The following SETBP1 variants were observed in gnomAD, a reference collection of about 807,000 sequenced individuals.
SETBP1 encodes SET binding protein 1, also known as SET-binding protein.
SETBP1 carries 9 observed loss-of-function variants against 101.0 expected under a neutral mutation model. The ratio of observed to expected loss-of-function variants is 0.09; its 90% CI spans 0.05 to 0.16. SETBP1 has a LOEUF of 0.16. SETBP1 is among the 10% of genes least tolerant of loss of function. SETBP1 has a pLI of 1.00. For synonymous variants in SETBP1, 818 were observed against 788.5 expected (o/e 1.04, Z -0.63); for missense variants, 1,858 against 2,033.8 (o/e 0.91, Z 1.66).
intron 3 of SETBP1, among the ~76,000 whole-genome samples, chr18:44,906,632 C>G (rs1012109681): frequency 6.6e-6 from 1 of 152,050 alleles, no homozygotes; most frequent in Non-Finnish European, 1.5e-5. Flanking sequence ...TTGTTTGTAG[C>G]CCTCCCTTGT....
intron 2 of SETBP1, among the ~76,000 whole-genome samples, chr18:44,744,177 G>A (rs2070166262): frequency 6.6e-6 from 1 of 152,240 alleles, no homozygotes; most frequent in African/African-American, 2.4e-5. Flanking sequence ...GTGCAGCGTT[G>A]AGTCTCAGGC....
chr18:45,030,364 C>T (rs1233602820), intron 4 of SETBP1, among the ~76,000 whole-genome samples: 1 of 129,760 alleles, frequency 7.7e-6, no homozygotes, highest in Admixed American at 8.0e-5. Flanking sequence ...ATGAAGCCCA[C>T]TTGATCATGG....
At chr18:44,881,488 A>G (rs963103036) in intron 3 of SETBP1, among the ~76,000 whole-genome samples, 4 of 152,212 alleles carry the variant, frequency 2.6e-5, no homozygotes, top group Admixed American at 2.6e-4. Context: ...ATGGCTGAGT[A>G]TTATTTCAAA....
intron 2 of SETBP1, among the ~76,000 whole-genome samples, chr18:44,719,695 T>G (rs2069542924): frequency 6.6e-6 from 1 of 152,238 alleles, no homozygotes; most frequent in Admixed American, 6.5e-5. Context: ...TCTGGCTTCA[T>G]TTCTAAATGA....
intron 2 of SETBP1, among the ~76,000 whole-genome samples, chr18:44,758,446 G>T (rs1383881546): frequency 6.6e-6 from 1 of 151,282 alleles, no homozygotes; most frequent in East Asian, 1.9e-4. Context: ...GCAGTGGTGC[G>T]ATCTCAGCTC....
At chr18:44,978,872 A>T (rs939021350) in intron 4 of SETBP1, among the ~76,000 whole-genome samples, 2 of 152,174 alleles carry the variant, frequency 1.3e-5, no homozygotes, top group Non-Finnish European at 1.5e-5. Flanking sequence ...ATATTTAATG[A>T]TCCCGGATGT....
At chr18:44,781,366 G>A (rs1184666516) in intron 2 of SETBP1, among the ~76,000 whole-genome samples, 6 of 151,676 alleles carry the variant, frequency 4.0e-5, no homozygotes, top group East Asian at 1.9e-4. Flanking sequence ...ATTCTGATTG[G>A]CATAACTCCC....
At chr18:44,856,134 G>A (rs1485761185) in intron 2 of SETBP1, among the ~76,000 whole-genome samples, 7 of 148,266 alleles carry the variant, frequency 4.7e-5, no homozygotes, top group Non-Finnish European at 8.9e-5. Flanking sequence ...AAAAAAAAAA[G>A]CAATTAGTTC....
chr18:44,839,240 T>C, intron 2 of SETBP1, among the ~76,000 whole-genome samples: 1 of 152,002 alleles, frequency 6.6e-6, no homozygotes, highest in East Asian at 1.9e-4. Context: ...GAAATTGTGC[T>C]CCTTGGTGGG....
chr18:44,934,084 T>C, intron 3 of SETBP1, among the ~76,000 whole-genome samples: 1 of 152,178 alleles, frequency 6.6e-6, no homozygotes, highest in Non-Finnish European at 1.5e-5. Context: ...ATAACATTTT[T>C]ACCAACCTTG....
intron 2 of SETBP1, among the ~76,000 whole-genome samples, chr18:44,794,118 G>A (rs1232496459): frequency 6.6e-6 from 1 of 152,128 alleles, no homozygotes; most frequent in Non-Finnish European, 1.5e-5. Context: ...TATGAACAGG[G>A]GAGGGCTAAA....
intron 4 of SETBP1, among the ~76,000 whole-genome samples, chr18:45,006,602 G>A (rs951449316): frequency 1.3e-5 from 2 of 152,086 alleles, no homozygotes; most frequent in Non-Finnish European, 2.9e-5. Context: ...CCCTAACTCT[G>A]CCTTCATTTC....
At chr18:44,817,864 T>C (rs2072017390) in intron 2 of SETBP1, among the ~76,000 whole-genome samples, 1 of 152,116 alleles carries the variant, frequency 6.6e-6, no homozygotes, top group Non-Finnish European at 1.5e-5. Context: ...AATCAAAACA[T>C]GTGTGTCCTT....
intron 3 of SETBP1, among the ~76,000 whole-genome samples, chr18:44,884,273 C>A (rs1248232350): frequency 4.6e-5 from 7 of 152,148 alleles, no homozygotes; most frequent in Non-Finnish European, 8.8e-5. Context: ...ATGGAGGGAA[C>A]AATATTCACC....
intron 2 of SETBP1, among the ~76,000 whole-genome samples, chr18:44,715,182 G>T (rs532581097): frequency 6.6e-6 from 1 of 152,172 alleles, no homozygotes; most frequent in Non-Finnish European, 1.5e-5. Context: ...AACTCACCTG[G>T]TTGTTTCTGC....
At chr18:44,917,050 C>T (rs2070445167) in intron 3 of SETBP1, among the ~76,000 whole-genome samples, 1 of 152,120 alleles carries the variant, frequency 6.6e-6, no homozygotes, top group African/African-American at 2.4e-5. Context: ...TCTGGGGAAC[C>T]CCATCAGGGA....
intron 2 of SETBP1, among the ~76,000 whole-genome samples, chr18:44,722,798 T>G (rs2069628698): frequency 6.6e-6 from 1 of 152,234 alleles, no homozygotes; most frequent in Non-Finnish European, 1.5e-5. Flanking sequence ...GGTTCTCTAG[T>G]AGGCTTCTAG....
intron 3 of SETBP1, among the ~76,000 whole-genome samples, chr18:44,906,351 T>C (rs1448231388): frequency 1.3e-5 from 2 of 152,196 alleles, no homozygotes; most frequent in African/African-American, 4.8e-5. Flanking sequence ...GACTAGCACC[T>C]ACTCTGTTTG....
intron 1 of SETBP1, among the ~76,000 whole-genome samples, chr18:44,699,909 G>A (rs1293644713): frequency 1.3e-5 from 2 of 152,150 alleles, no homozygotes; most frequent in African/African-American, 2.4e-5. Flanking sequence ...ATATGTCTTT[G>A]CAGGCATCGT....
Sources: allele counts gnomAD v4.1 joint callset (sites outside exome capture counted in the v4.1 genomes callset), GRCh38; gene constraint gnomAD v4.1.1; transcripts MANE v1.5; gene names NCBI Gene and HGNC (gene_info 2026-07-23, HGNC 2026-07-21).